SLC11A2: variants seen among roughly 807,000 people sequenced by gnomAD.
SLC11A2 encodes the protein natural resistance-associated macrophage protein 2.
SLC11A2 carries 38 observed loss-of-function variants against 68.0 expected under a neutral mutation model. The ratio of observed to expected loss-of-function variants is 0.56; its 90% CI spans 0.43 to 0.73. SLC11A2 has a LOEUF of 0.73. Among genes scored for constraint, SLC11A2 ranks in the 30% least tolerant of loss-of-function variants. SLC11A2 has a pLI of 0.00. For synonymous variants in SLC11A2, 242 were observed against 250.6 expected (o/e 0.97, Z 0.32); for missense variants, 517 against 690.5 (o/e 0.75, Z 2.82).
At chr12:51,010,843 G>C (rs1943160513) in intron 1 of SLC11A2, 77 bp from the exon 2 acceptor site, 1 of 649,828 alleles carries the variant, frequency 1.5e-6, no homozygotes, top group African/African-American at 1.8e-5. Context: ...TTGTTACTCT[G>C]TATGACTGAA....
the SLC11A2 span, among the ~76,000 whole-genome samples, chr12:50,971,388 ATG>A: frequency 9.2e-6 from 1 of 108,678 alleles, no homozygotes; most frequent in Non-Finnish European, 2.2e-5. Flanking sequence ...CCGCAAACAC[ATG>A]TTTAACATTT....
At chr12:51,008,967 C>A (rs1235146794) in intron 2 of SLC11A2, 10 of 635,590 alleles carry the variant, frequency 1.6e-5, no homozygotes, top group African/African-American at 9.2e-5. Flanking sequence ...AGAGCCATTT[C>A]ATTTTCCTCT....
chr12:50,964,582 C>T, the SLC11A2 span, among the ~76,000 whole-genome samples: 1 of 151,946 alleles, frequency 6.6e-6, no homozygotes, highest in East Asian at 1.9e-4. Flanking sequence ...TTATGACATA[C>T]GGCTGGAGAG....
downstream of SLC11A2, among the ~76,000 whole-genome samples, chr12:50,984,328 A>G (rs1293415055): frequency 6.6e-6 from 1 of 152,198 alleles, no homozygotes; most frequent in Non-Finnish European, 1.5e-5. Context: ...ACTGTATTAC[A>G]CTGGCTTTAG....
At chr12:50,982,809 C>T (rs187182480), downstream of SLC11A2, among the ~76,000 whole-genome samples, 5 of 151,780 alleles carry the variant, frequency 3.3e-5, no homozygotes, top group East Asian at 7.7e-4. Context: ...GGCATGGTGG[C>T]GCATGCCTGT....
chr12:51,021,281 C>T (rs1229089701), intron 1 of SLC11A2, among the ~76,000 whole-genome samples: 1 of 152,144 alleles, frequency 6.6e-6, no homozygotes, highest in Non-Finnish European at 1.5e-5. Flanking sequence ...CCATACTTTG[C>T]ATGCCCTAGT....
chr12:51,005,369 T>A lies in SLC11A2; in HGVS notation c.251A>T (p.Tyr84Phe). The change falls in exon 4 of 16, where the codon TAC becomes TTC. Residue 84 changes from tyrosine to phenylalanine, a missense_variant. Transcript: ENST00000262052. ...GGATTCAATATTTCCTGGATCCAGG[T>A]AGGCAATGCTCATAAGAAAACCTGG... is the stretch of plus-strand genomic sequence containing the variant. ...TGPGFLMSIAYLDPGNIESDL... is the reference protein window; with the variant it reads ...TGPGFLMSIAFLDPGNIESDL... 1 of 1,613,964 alleles carries A rather than the reference T, an allele frequency of 6.2e-7. No individual in the cohort carries two copies. The highest frequency in any genetic ancestry group is 8.5e-7 in the Non-Finnish European group (1 of 1,179,948).
At chr12:50,979,746 T>C (rs1041576480), downstream of SLC11A2, 4 of 412,610 alleles carry the variant, frequency 9.7e-6, no homozygotes, top group African/African-American at 6.2e-5. Context: ...AATCCCTGCC[T>C]CTTTAAGGGC....
intron 1 of SLC11A2, 67 bp from the exon 2 acceptor site, chr12:51,010,833 T>C (rs1287464579): frequency 1.4e-5 from 11 of 806,788 alleles, no homozygotes; most frequent in Non-Finnish European, 2.3e-5. Flanking sequence ...AACCAGCAGT[T>C]TGTTACTCTG....
At chr12:50,961,148 A>G in the SLC11A2 span, 1 of 1,588,596 alleles carries the variant, frequency 6.3e-7, no homozygotes, top group South Asian at 1.1e-5. Flanking sequence ...CTTTGAGAGT[A>G]CATTTATTTA....
At chr12:50,983,038 TAG>T (rs1940202181), downstream of SLC11A2, among the ~76,000 whole-genome samples, 1 of 151,776 alleles carries the variant, frequency 6.6e-6, no homozygotes, top group East Asian at 1.9e-4. Context: ...ATTTTTTTTG[TAG>T]AGACAAGGCC....
the SLC11A2 span, among the ~76,000 whole-genome samples, chr12:50,958,651 T>C: frequency 2.2e-4 from 33 of 152,136 alleles, 1 homozygote; most frequent in East Asian, 5.2e-3. Context: ...GCTTACTATA[T>C]TGCTACAGTA....
the SLC11A2 span, among the ~76,000 whole-genome samples, chr12:50,955,772 TA>T: frequency 6.6e-5 from 10 of 152,012 alleles, no homozygotes; most frequent in African/African-American, 1.7e-4. Context: ...CATTTTTAGT[TA>T]AAAAAAATTC....
intron 6 of SLC11A2, among the ~76,000 whole-genome samples, 184 bp downstream of exon 6, chr12:51,000,129 T>C (rs568180616): frequency 1.3e-5 from 2 of 152,298 alleles, no homozygotes; most frequent in South Asian, 2.1e-4. Context: ...TAACCCACCA[T>C]GGGAAACGGA....
chr12:50,986,228 C>T lies in SLC11A2; in HGVS notation c.*2097G>A. On this transcript the variant is annotated 3_prime_UTR_variant, in exon 16 of 16. Coordinates refer to ENST00000262052, the MANE Select transcript of SLC11A2 (RefSeq NM_000617.3). ...GTACAATTGTATATCCTTAAACATTCCACATAAACACACTGTCAAAACTCA... is the reference window on the plus strand; with the variant it reads ...GTACAATTGTATATCCTTAAACATTTCACATAAACACACTGTCAAAACTCA... 1 of 1,283,346 alleles carries T rather than the reference C, an allele frequency of 7.8e-7. No homozygotes were observed. Among genetic ancestry groups the T allele is most frequent in the South Asian group, 1.2e-5 (1 of 80,872 alleles). The allele number at this position is 1,283,346 out of a possible 1,614,324, so 79.5% of individuals were successfully genotyped here.
chr12:51,005,593 T>A, intron 3 of SLC11A2, 157 bp from the exon 4 acceptor site: 1 of 1,468,998 alleles, frequency 6.8e-7, no homozygotes. Flanking sequence ...ACCTCCATCT[T>A]ACCCACTTTT....
At chr12:50,968,725 A>G in the SLC11A2 span, among the ~76,000 whole-genome samples, 2 of 151,966 alleles carry the variant, frequency 1.3e-5, no homozygotes, top group African/African-American at 4.8e-5. Context: ...TATTTTTAGT[A>G]GAGATGGGGT....
At chr12:50,982,951 A>C (rs1940186898), downstream of SLC11A2, among the ~76,000 whole-genome samples, 2 of 151,940 alleles carry the variant, frequency 1.3e-5, no homozygotes, top group Non-Finnish European at 2.9e-5. Flanking sequence ...AAAAAAAAAA[A>C]AAAAAACCCA....
At chr12:50,967,997 G>A in the SLC11A2 span, among the ~76,000 whole-genome samples, 2 of 152,146 alleles carry the variant, frequency 1.3e-5, no homozygotes, top group African/African-American at 4.8e-5. Context: ...TGAGATGAGA[G>A]GATGGCTTGA....
Sources: allele counts gnomAD v4.1 joint callset (sites outside exome capture counted in the v4.1 genomes callset), GRCh38; gene constraint gnomAD v4.1.1; transcripts MANE v1.5; gene names NCBI Gene and HGNC (gene_info 2026-07-23, HGNC 2026-07-21).